SLC1A1: variants seen among roughly 807,000 people sequenced by gnomAD.
SLC1A1 encodes solute carrier family 1 member 1.
In SLC1A1, 43 loss-of-function variants were observed where a neutral mutation model predicts 53.3. That is an observed-to-expected ratio of 0.81 (90% CI 0.63 to 1.04). The LOEUF (loss-of-function observed/expected upper bound fraction) is 1.04. Among genes scored for constraint, SLC1A1 ranks in the 50% least tolerant of loss-of-function variants. The pLI, the probability that SLC1A1 is intolerant of heterozygous loss-of-function variation, is 0.00. For missense variants in SLC1A1, 748 were observed against 664.9 expected, an observed-to-expected ratio of 1.12 and a Z score of -1.37; for synonymous variants, 307 against 243.2, an observed-to-expected ratio of 1.26 and a Z score of -2.44.
chr9:4,574,534 G>T (rs551513383), intron 8 of SLC1A1, among the ~76,000 whole-genome samples: 1 of 152,230 alleles, frequency 6.6e-6, no homozygotes, highest in Non-Finnish European at 1.5e-5. Flanking sequence ...GGTGCCAGGA[G>T]AATCTTGAGG....
chr9:4,522,251 C>CCA (rs1816104740), intron 1 of SLC1A1, among the ~76,000 whole-genome samples: 3 of 151,948 alleles, frequency 2.0e-5, no homozygotes, highest in Admixed American at 6.6e-5. Context: ...TGGGGTTTCA[C>CCA]TGAGTTAGCC....
At chr9:4,520,253 G>C (rs996940669) in intron 1 of SLC1A1, among the ~76,000 whole-genome samples, 1 of 152,130 alleles carries the variant, frequency 6.6e-6, no homozygotes, top group African/African-American at 2.4e-5. Flanking sequence ...TGAGCAAAAT[G>C]TCACATCTTT....
At chr9:4,562,939 A>C (rs1042110052) in intron 3 of SLC1A1, among the ~76,000 whole-genome samples, 2 of 126,586 alleles carry the variant, frequency 1.6e-5, no homozygotes, top group African/African-American at 3.1e-5. Context: ...GGACACAGGA[A>C]GGGGAACATC....
chr9:4,502,389 GAAAAAAAAAAA>G lies in SLC1A1; in HGVS notation c.91+11634_91+11644del, dbSNP rs775499017. On this transcript the variant is annotated intron_variant, in intron 1 of 11. Transcript: ENST00000262352. ...GTGATAGAATGAGACCCTGTCTCCA[GAAAAAAAAAAA>G]AAAAAAAAAAAAAAGATTCCCTGAA... 7.1e-4 allele frequency among the ~76,000 whole-genome samples: 40 copies of G among 56,496 alleles called. 2 individuals carry two copies. The Admixed American group carries it at 0.012, about 17-fold the overall frequency. 37.1% of individuals were successfully genotyped at this position (56,496 alleles called of 152,430 possible).
At chr9:4,544,959 C>G (rs535158293) in intron 2 of SLC1A1, among the ~76,000 whole-genome samples, 1 of 152,106 alleles carries the variant, frequency 6.6e-6, no homozygotes, top group Non-Finnish European at 1.5e-5. Context: ...CATAAGATCT[C>G]GTGAGAACTC....
intron 1 of SLC1A1, among the ~76,000 whole-genome samples, chr9:4,495,447 G>A (rs932743820): frequency 6.6e-6 from 1 of 152,156 alleles, no homozygotes; most frequent in African/African-American, 2.4e-5. Flanking sequence ...CTACTGTATA[G>A]AGCATGTTAG....
chr9:4,584,671 C>A lies in SLC1A1; in HGVS notation c.1329-641C>A, dbSNP rs140306519. On this transcript the variant is annotated intron_variant, in intron 11 of 11. Coordinates refer to ENST00000262352, the MANE Select transcript of SLC1A1 (RefSeq NM_004170.6). ...CTCCTCTGCAGTGTGCCTTCTCTACCTGTCTTCCTGCCACCAGTCTCTTCC... is the reference window on the plus strand; with the variant it reads ...CTCCTCTGCAGTGTGCCTTCTCTACATGTCTTCCTGCCACCAGTCTCTTCC... Among the ~76,000 whole-genome samples the A allele has an allele frequency of 1.9e-4, 29 of 152,332 alleles. No homozygotes were observed. In the East Asian group the frequency reaches 5.4e-3, roughly 28 times the overall value.
chr9:4,518,648 T>C (rs2130826702), intron 1 of SLC1A1, among the ~76,000 whole-genome samples: 1 of 152,262 alleles, frequency 6.6e-6, no homozygotes, highest in Admixed American at 6.5e-5. Context: ...CCTGTCAATG[T>C]AGTGTCTGTA....
intron 1 of SLC1A1, among the ~76,000 whole-genome samples, chr9:4,509,690 A>G (rs1333185528): frequency 6.6e-6 from 1 of 152,222 alleles, no homozygotes; most frequent in Admixed American, 6.5e-5. Context: ...ACAGAGCAGG[A>G]CAAAGAAAGA....
rs62542123 is a variant in SLC1A1, at chr9:4,562,997, T to C, written c.326-1347T>C. Among the ~76,000 whole-genome samples the C allele has an allele frequency of 6.3e-3, 935 of 148,148 alleles. 4 individuals are homozygous for C. Among genetic ancestry groups the C allele is most frequent in the Non-Finnish European group, 9.8e-3 (655 of 66,902 alleles). ...GTGGGGGGAGGGGAGAGGGATAGCA[T>C]TGGGAGATATACCTAATGCTAGATG... On this transcript the variant is annotated intron_variant, in intron 3 of 11. Transcript: ENST00000262352.
At chr9:4,525,907 T>G (rs1196787310) in intron 1 of SLC1A1, among the ~76,000 whole-genome samples, 1 of 152,188 alleles carries the variant, frequency 6.6e-6, no homozygotes, top group African/African-American at 2.4e-5. Flanking sequence ...ACAACATAGA[T>G]TTATAAGATA....
chr9:4,536,161 A>C (rs925218789), intron 1 of SLC1A1, among the ~76,000 whole-genome samples: 1 of 152,190 alleles, frequency 6.6e-6, no homozygotes, highest in Non-Finnish European at 1.5e-5. Context: ...AAAACACCAA[A>C]AGCAATGGCA....
intron 2 of SLC1A1, among the ~76,000 whole-genome samples, chr9:4,559,357 T>G (rs1430717692): frequency 1.3e-5 from 2 of 152,212 alleles, no homozygotes. Context: ...GGGTAGCTGC[T>G]ACAGAGGCCA....
At chr9:4,505,926 C>A (rs1055092968) in intron 1 of SLC1A1, among the ~76,000 whole-genome samples, 4 of 152,210 alleles carry the variant, frequency 2.6e-5, no homozygotes, top group African/African-American at 9.6e-5. Flanking sequence ...CGAGTTCAAG[C>A]GATTCTCCTG....
intron 1 of SLC1A1, among the ~76,000 whole-genome samples, chr9:4,544,260 A>G (rs188341939): frequency 6.6e-6 from 1 of 152,340 alleles, no homozygotes; most frequent in East Asian, 1.9e-4. Context: ...TGGATTGACT[A>G]AGATGATTTT....
intron 1 of SLC1A1, among the ~76,000 whole-genome samples, chr9:4,516,372 G>A (rs1821160954): frequency 6.6e-6 from 1 of 152,230 alleles, no homozygotes; most frequent in Non-Finnish European, 1.5e-5. Context: ...ATGTGGCAGA[G>A]CCAGAATGGC....
chr9:4,548,477 C>A (rs1407485087), intron 2 of SLC1A1, among the ~76,000 whole-genome samples: 1 of 151,972 alleles, frequency 6.6e-6, no homozygotes, highest in Non-Finnish European at 1.5e-5. Flanking sequence ...TGTGCTCCTG[C>A]ATAAAGGAAA....
intron 7 of SLC1A1, 116 bp downstream of exon 7, chr9:4,572,504 A>C (rs983458036): frequency 2.2e-6 from 2 of 928,236 alleles, no homozygotes; most frequent in African/African-American, 3.3e-5. Flanking sequence ...TTGGACATTT[A>C]ATATTGAACC....
At chr9:4,515,063 C>T (rs1044597084) in intron 1 of SLC1A1, among the ~76,000 whole-genome samples, 1 of 151,950 alleles carries the variant, frequency 6.6e-6, no homozygotes, top group Non-Finnish European at 1.5e-5. Context: ...ACCCCCACCC[C>T]CACTATACTC....
Sources: gnomAD v4.1 joint callset for allele counts (sites outside exome capture counted in the v4.1 genomes callset) on GRCh38, gnomAD v4.1.1 for gene constraint, MANE v1.5 for transcripts, NCBI Gene and HGNC (gene_info 2026-07-23, HGNC 2026-07-21) for gene names.